Variants in KCNN2 observed in about 807,000 individuals in gnomAD.
KCNN2 encodes the protein potassium calcium-activated channel subfamily N member 2, also known as small conductance calcium-activated potassium channel protein 2.
In KCNN2, 24 loss-of-function variants were observed where a neutral mutation model predicts 55.5. The ratio of observed to expected loss-of-function variants is 0.43; its 90% CI spans 0.31 to 0.61. The LOEUF (loss-of-function observed/expected upper bound fraction) is 0.61, where lower values mean the gene tolerates loss of function less well. KCNN2 is among the 20% of genes least tolerant of loss of function. The pLI, the probability that KCNN2 is intolerant of heterozygous loss-of-function variation, is 0.08. For synonymous variants in KCNN2, 431 were observed against 336.1 expected, an observed-to-expected ratio of 1.28 and a Z score of -3.09; for missense variants, 754 against 853.6, an observed-to-expected ratio of 0.88 and a Z score of 1.45.
At chr5:114,199,109 T>C (rs998686324) in intron 1 of KCNN2, among the ~76,000 whole-genome samples, 8 of 152,140 alleles carry the variant, frequency 5.3e-5, no homozygotes, top group Non-Finnish European at 1.0e-4. Context: ...GATGCTTTGA[T>C]ATTGGGTGCA....
chr5:114,368,801 C>G (rs968552054), intron 2 of KCNN2, among the ~76,000 whole-genome samples: 4 of 152,024 alleles, frequency 2.6e-5, no homozygotes, highest in African/African-American at 9.7e-5. Flanking sequence ...TAGGAATACA[C>G]CCATACCTTG....
chr5:114,495,785 C>A, intron 7 of KCNN2, 110 bp from the exon 8 acceptor site: 3 of 963,658 alleles, frequency 3.1e-6, no homozygotes, highest in Non-Finnish European at 3.2e-6. Flanking sequence ...AGCTGACACC[C>A]CTGTTACACT....
chr5:114,126,095 C>T (rs546195065), intron 1 of KCNN2, among the ~76,000 whole-genome samples: 1 of 152,182 alleles, frequency 6.6e-6, no homozygotes, highest in African/African-American at 2.4e-5. Flanking sequence ...CCTGGTGTCT[C>T]TTCACATCAT....
chr5:114,186,385 A>T (rs901371321), intron 1 of KCNN2, among the ~76,000 whole-genome samples: 2 of 152,188 alleles, frequency 1.3e-5, no homozygotes, highest in Non-Finnish European at 2.9e-5. Context: ...CCCAAAACCC[A>T]GAGTAACTGA....
chr5:114,156,040 C>T (rs1752626641), intron 1 of KCNN2, among the ~76,000 whole-genome samples: 1 of 152,094 alleles, frequency 6.6e-6, no homozygotes, highest in Non-Finnish European at 1.5e-5. Flanking sequence ...TTTAATCTAT[C>T]TTGACTTAAT....
chr5:114,359,974 C>A (rs995462745), upstream of KCNN2, among the ~76,000 whole-genome samples: 3 of 152,176 alleles, frequency 2.0e-5, no homozygotes, highest in Admixed American at 1.3e-4. Flanking sequence ...GCCCCGAAGA[C>A]TCAATTAGCT....
chr5:114,268,215 C>T (rs1314206104), intron 2 of KCNN2, among the ~76,000 whole-genome samples: 1 of 152,166 alleles, frequency 6.6e-6, no homozygotes, highest in Non-Finnish European at 1.5e-5. Context: ...TCCAATGCAC[C>T]AACTCATTTA....
chr5:114,290,931 A>G (rs1755874041), intron 2 of KCNN2, among the ~76,000 whole-genome samples: 1 of 152,054 alleles, frequency 6.6e-6, no homozygotes, highest in African/African-American at 2.4e-5. Flanking sequence ...AGCTTCATGA[A>G]GCTAGAACCA....
At chr5:114,394,599 C>T (rs1310027772) in intron 2 of KCNN2, among the ~76,000 whole-genome samples, 1 of 152,154 alleles carries the variant, frequency 6.6e-6, no homozygotes, top group Non-Finnish European at 1.5e-5. Flanking sequence ...CAGGTTCTTA[C>T]CTGATTTCTT....
intron 2 of KCNN2, among the ~76,000 whole-genome samples, chr5:114,227,994 CG>C (rs1754273301): frequency 6.6e-6 from 1 of 151,436 alleles, no homozygotes; most frequent in Non-Finnish European, 1.5e-5. Context: ...ATGATGATGA[CG>C]ATGATGATGA....
intron 2 of KCNN2, among the ~76,000 whole-genome samples, chr5:114,356,322 CT>C (rs1177601582): frequency 1.3e-5 from 2 of 152,088 alleles, no homozygotes; most frequent in Admixed American, 6.6e-5. Context: ...TAAGAAACTA[CT>C]TTATAAACTA....
At chr5:114,357,361 C>T (rs958141523), upstream of KCNN2, among the ~76,000 whole-genome samples, 26 of 145,640 alleles carry the variant, frequency 1.8e-4, no homozygotes, top group Non-Finnish European at 3.3e-4. Context: ...AGCTTAGTTA[C>T]ATATGTATAC....
At chr5:114,100,305 T>C (rs2112568097) in intron 1 of KCNN2, among the ~76,000 whole-genome samples, 1 of 152,246 alleles carries the variant, frequency 6.6e-6, no homozygotes, top group Admixed American at 6.6e-5. Flanking sequence ...TAGATGGAGC[T>C]CTAGCTTTCT....
chr5:114,426,354 T>C (rs568937047), intron 3 of KCNN2, among the ~76,000 whole-genome samples: 1 of 152,230 alleles, frequency 6.6e-6, no homozygotes, highest in African/African-American at 2.4e-5. Flanking sequence ...CTTGGTCATT[T>C]TGTATAATTC....
intron 3 of KCNN2, among the ~76,000 whole-genome samples, chr5:114,443,623 A>G (rs892954689): frequency 3.3e-5 from 5 of 152,220 alleles, no homozygotes; most frequent in African/African-American, 1.2e-4. Flanking sequence ...ATTTTACTAA[A>G]ATTATTTTTC....
At chr5:114,293,014 A>T (rs915764377) in intron 2 of KCNN2, among the ~76,000 whole-genome samples, 25 of 152,288 alleles carry the variant, frequency 1.6e-4, no homozygotes, top group Non-Finnish European at 2.8e-4. Context: ...GTGCATAAGA[A>T]TGCTTGTAAT....
chr5:114,253,128 C>CTTTT (rs1754907939), intron 2 of KCNN2, among the ~76,000 whole-genome samples: 9 of 41,914 alleles, frequency 2.1e-4, no homozygotes, highest in African/African-American at 2.4e-4. Context: ...TTTTTTCTTG[C>CTTTT]TTTCTTTTTT....
At chr5:114,352,587 G>A (rs12189350) in intron 2 of KCNN2, among the ~76,000 whole-genome samples, 44,723 of 151,262 alleles carry the variant, frequency 0.3, 6,927 homozygotes, top group Non-Finnish European at 0.35. Context: ...TCTATGCATG[G>A]CTTTAGGTGC....
chr5:114,372,763 A>T (rs1310240370), intron 2 of KCNN2, among the ~76,000 whole-genome samples: 1 of 152,034 alleles, frequency 6.6e-6, no homozygotes, highest in Non-Finnish European at 1.5e-5. Flanking sequence ...GTTATTGTAT[A>T]AGGAAATTTT....
Sources: gnomAD v4.1 joint callset for allele counts (sites outside exome capture counted in the v4.1 genomes callset) on GRCh38, gnomAD v4.1.1 for gene constraint, MANE v1.5 for transcripts, NCBI Gene and HGNC (gene_info 2026-07-23, HGNC 2026-07-21) for gene names.